The following SUGCT variants were observed in gnomAD, a reference collection of about 807,000 sequenced individuals.
The protein encoded by SUGCT is succinyl-CoA:glutarate-CoA transferase.
A neutral mutation model predicts 55.0 loss-of-function variants in SUGCT; 41 were observed. That is an observed-to-expected ratio of 0.74 (90% CI 0.58 to 0.97). The LOEUF (loss-of-function observed/expected upper bound fraction) is 0.97, where lower values mean the gene tolerates loss of function less well. Among genes scored for constraint, SUGCT ranks in the 50% least tolerant of loss-of-function variants. The pLI is 0.00. For synonymous variants in SUGCT, 187 were observed against 200.4 expected (o/e 0.93, Z 0.56); for missense variants, 568 against 547.8 (o/e 1.04, Z -0.37).
chr7:40,995,463 G>A, the SUGCT span, among the ~76,000 whole-genome samples: 1 of 151,128 alleles, frequency 6.6e-6, no homozygotes, highest in South Asian at 2.1e-4. Flanking sequence ...TGATTGCTTT[G>A]TTTACTATTA....
chr7:40,837,405 T>C (rs992418042), intron 13 of SUGCT, among the ~76,000 whole-genome samples: 2 of 152,194 alleles, frequency 1.3e-5, no homozygotes, highest in Admixed American at 1.3e-4. Flanking sequence ...TAACATGATC[T>C]TTCACAGAAC....
chr7:40,149,805 G>A (rs1374334503), intron 1 of SUGCT, among the ~76,000 whole-genome samples: 1 of 152,214 alleles, frequency 6.6e-6, no homozygotes, highest in Non-Finnish European at 1.5e-5. Context: ...TGTAATCCCA[G>A]CTGTTCAGGA....
chr7:40,376,942 A>G (rs746799939), intron 9 of SUGCT, among the ~76,000 whole-genome samples: 1 of 150,810 alleles, frequency 6.6e-6, no homozygotes, highest in Non-Finnish European at 1.5e-5. Context: ...CAGTTTATAT[A>G]TTTTTTCCCC....
At chr7:40,521,427 C>A (rs1046779506) in intron 12 of SUGCT, among the ~76,000 whole-genome samples, 1 of 152,042 alleles carries the variant, frequency 6.6e-6, no homozygotes, top group Non-Finnish European at 1.5e-5. Context: ...GGAGGCAGGG[C>A]GTTCTCTTGG....
intron 12 of SUGCT, among the ~76,000 whole-genome samples, chr7:40,575,125 T>TGGGGGGGGGGGGGGGGGGGGGGG (rs1491375845): frequency 2.2e-5 from 3 of 136,956 alleles, no homozygotes; most frequent in Admixed American, 7.0e-5. Context: ...GTGGCGGGGG[T>TGGGGGGGGGGGGGGGGGGGGGGG]GGGGGTGGAG....
At chr7:40,897,974 C>T in the SUGCT span, among the ~76,000 whole-genome samples, 92 of 152,264 alleles carry the variant, frequency 6.0e-4, no homozygotes, top group Non-Finnish European at 4.7e-4. Context: ...AGGCCACCTG[C>T]GCCAACAGTG....
chr7:40,245,852 GCATTACAAA>G (rs1343651981), intron 7 of SUGCT, among the ~76,000 whole-genome samples: 4 of 151,166 alleles, frequency 2.6e-5, no homozygotes, highest in Admixed American at 6.6e-5. Flanking sequence ...TCATTTCTTT[GCATTACAAA>G]CATTACAAGT....
intron 13 of SUGCT, among the ~76,000 whole-genome samples, chr7:40,852,563 C>T (rs959869256): frequency 1.3e-5 from 2 of 151,672 alleles, no homozygotes; most frequent in South Asian, 4.2e-4. Context: ...GCAACTTTAT[C>T]TAGTACCTCT....
At chr7:41,001,944 C>A in the SUGCT span, among the ~76,000 whole-genome samples, 1 of 152,178 alleles carries the variant, frequency 6.6e-6, no homozygotes, top group Non-Finnish European at 1.5e-5. Flanking sequence ...AAGGCAGGAG[C>A]CAAGTCTTTG....
rs76866244 is a variant in SUGCT, at chr7:40,505,822, T to G, written c.1089+9436T>G. On this transcript the variant is annotated intron_variant, in intron 12 of 13. Coordinates refer to ENST00000335693, the MANE Select transcript of SUGCT (RefSeq NM_001193313.2). Reference sequence around the variant, plus strand: ...ATAATATTTGTTATAGTAATCTTTTTGTTAACCCTATCTTATTCTTAGTTT... The same window carrying G: ...ATAATATTTGTTATAGTAATCTTTTGGTTAACCCTATCTTATTCTTAGTTT... Among the ~76,000 whole-genome samples the G allele has an allele frequency of 4.7e-3, 719 of 152,200 alleles. 5 individuals carry two copies. The highest frequency in any genetic ancestry group is 0.016 in the African/African-American group (678 of 41,570).
chr7:40,351,169 T>C (rs749739610), intron 9 of SUGCT, among the ~76,000 whole-genome samples: 4 of 152,136 alleles, frequency 2.6e-5, no homozygotes, highest in Non-Finnish European at 5.9e-5. Flanking sequence ...TGTAGGTTGA[T>C]AACATTATGC....
chr7:40,270,663 TAG>T (rs1406532038), intron 7 of SUGCT, among the ~76,000 whole-genome samples: 1 of 152,218 alleles, frequency 6.6e-6, no homozygotes, highest in African/African-American at 2.4e-5. Flanking sequence ...TGTCTTTTTC[TAG>T]ATTGGTTATT....
At chr7:40,889,035 A>G in the SUGCT span, among the ~76,000 whole-genome samples, 1 of 152,222 alleles carries the variant, frequency 6.6e-6, no homozygotes, top group East Asian at 1.9e-4. Flanking sequence ...TTTTGGCACA[A>G]AAGTGGCAAG....
chr7:40,219,771 A>C (rs1468648836), intron 6 of SUGCT, among the ~76,000 whole-genome samples: 1 of 152,210 alleles, frequency 6.6e-6, no homozygotes, highest in Non-Finnish European at 1.5e-5. Flanking sequence ...GGGCAGAAAA[A>C]AACCTGTGTA....
chr7:40,236,541 A>C (rs1375637057), intron 6 of SUGCT, among the ~76,000 whole-genome samples: 1 of 151,396 alleles, frequency 6.6e-6, no homozygotes, highest in African/African-American at 2.4e-5. Flanking sequence ...CAAATCTTAA[A>C]ATCATTTAGG....
At chr7:40,672,214 A>G (rs942790407) in intron 12 of SUGCT, among the ~76,000 whole-genome samples, 1 of 152,222 alleles carries the variant, frequency 6.6e-6, no homozygotes, top group African/African-American at 2.4e-5. Flanking sequence ...ACAAATTTTA[A>G]GTAGAAATAT....
At chr7:40,188,465 A>T in intron 3 of SUGCT, 30 bp from the exon 4 acceptor site, 1 of 1,432,238 alleles carries the variant, frequency 7.0e-7, no homozygotes, top group Non-Finnish European at 9.6e-7. Flanking sequence ...ACAAACCCCA[A>T]AGATTAATAG....
chr7:40,882,555 C>T, the SUGCT span, among the ~76,000 whole-genome samples: 1 of 152,168 alleles, frequency 6.6e-6, no homozygotes, highest in Non-Finnish European at 1.5e-5. Context: ...TATAGATATG[C>T]TTCCTGTTAG....
the SUGCT span, among the ~76,000 whole-genome samples, chr7:40,902,354 T>A: frequency 6.6e-6 from 1 of 151,888 alleles, no homozygotes; most frequent in South Asian, 2.1e-4. Context: ...TTGAGGCAGG[T>A]GGATCACGAG....
Sources: gnomAD v4.1 joint callset for allele counts (sites outside exome capture counted in the v4.1 genomes callset) on GRCh38, gnomAD v4.1.1 for gene constraint, MANE v1.5 for transcripts, NCBI Gene and HGNC (gene_info 2026-07-23, HGNC 2026-07-21) for gene names.